The following COLEC11 variants were observed in gnomAD, a reference collection of about 807,000 sequenced individuals.
The protein encoded by COLEC11 is collectin-11.
COLEC11 carries 20 observed loss-of-function variants against 27.3 expected under a neutral mutation model. The observed-to-expected ratio is 0.73, with a 90% confidence interval of 0.51 to 1.06. The LOEUF (loss-of-function observed/expected upper bound fraction) is 1.06. Among genes scored for constraint, COLEC11 ranks in the 50% least tolerant of loss-of-function variants. COLEC11 has a pLI of 0.00. For synonymous variants in COLEC11, 163 were observed against 154.7 expected, an observed-to-expected ratio of 1.05 and a Z score of -0.40; for missense variants, 310 against 383.0, an observed-to-expected ratio of 0.81 and a Z score of 1.59.
At chr2:3,612,214 G>A (rs895330431) in intron 2 of COLEC11, among the ~76,000 whole-genome samples, 8 of 149,084 alleles carry the variant, frequency 5.4e-5, no homozygotes, top group East Asian at 2.0e-4. Context: ...ATGCACATGC[G>A]GACACACGCA....
intron 3 of COLEC11, among the ~76,000 whole-genome samples, chr2:3,616,117 C>G (rs113611227): frequency 0.69 from 101,020 of 145,974 alleles, 35,122 homozygotes; most frequent in South Asian, 0.83. Context: ...TCAGATACCA[C>G]ACGGGGTCGT....
At chr2:3,598,720 A>C (rs960186050) in intron 1 of COLEC11, among the ~76,000 whole-genome samples, 1 of 151,118 alleles carries the variant, frequency 6.6e-6, no homozygotes, top group Non-Finnish European at 1.5e-5. Flanking sequence ...ACCGTGGGTG[A>C]GGGGTGTGGA....
At chr2:3,604,858 C>T (rs999488174) in intron 2 of COLEC11, among the ~76,000 whole-genome samples, 1 of 151,880 alleles carries the variant, frequency 6.6e-6, no homozygotes, top group South Asian at 2.1e-4. Flanking sequence ...GTGTTAAGTT[C>T]CCAAAGTGTG....
intron 2 of COLEC11, among the ~76,000 whole-genome samples, chr2:3,607,076 C>G (rs1306799688): frequency 1.3e-5 from 2 of 152,160 alleles, no homozygotes; most frequent in Non-Finnish European, 2.9e-5. Flanking sequence ...GCGCCGCCCC[C>G]CCAACCCCCA....
At chr2:3,613,170 G>T in intron 2 of COLEC11, 141 bp from the exon 3 acceptor site, 1 of 851,952 alleles carries the variant, frequency 1.2e-6, no homozygotes. Flanking sequence ...GCTGCAGGCG[G>T]GGAGGGAGGT....
intron 2 of COLEC11, among the ~76,000 whole-genome samples, chr2:3,605,256 C>T (rs1662556639): frequency 6.6e-6 from 1 of 151,440 alleles, no homozygotes; most frequent in Non-Finnish European, 1.5e-5. Context: ...GCACCGGCCG[C>T]AGCAGAGTCC....
chr2:3,636,544 G>A (rs889598280), intron 3 of COLEC11, among the ~76,000 whole-genome samples: 10 of 152,358 alleles, frequency 6.6e-5, no homozygotes, highest in African/African-American at 2.4e-4. Flanking sequence ...TTCCTGCAAT[G>A]GTGGGTTATA....
intron 3 of COLEC11, 64 bp from the exon 4 acceptor site, chr2:3,637,469 G>A (rs1665510124): frequency 7.8e-6 from 10 of 1,283,024 alleles, no homozygotes; most frequent in Non-Finnish European, 1.1e-5. Flanking sequence ...GTGCACGTGT[G>A]TGATGGAGGA....
chr2:3,625,499 A>T lies in COLEC11; in HGVS notation c.203-12034A>T, dbSNP rs563160900. On this transcript the variant is annotated intron_variant, in intron 3 of 6. Coordinates refer to ENST00000349077, the MANE Select transcript of COLEC11 (RefSeq NM_024027.5). ...TGGAGACAGGGAGGGCTAGGAGTCC[A>T]TAAAGGGATGTGGCATTTGGCATCC... Among the ~76,000 whole-genome samples the T allele has an allele frequency of 1.2e-3, 184 of 152,234 alleles. 1 individual carries two copies. Among genetic ancestry groups the T allele is most frequent in the African/African-American group, 4.0e-3 (167 of 41,556 alleles).
chr2:3,611,604 C>CT (rs1355487497), intron 2 of COLEC11, among the ~76,000 whole-genome samples: 1 of 152,234 alleles, frequency 6.6e-6, no homozygotes, highest in African/African-American at 2.4e-5. Flanking sequence ...TTGAGAACTA[C>CT]TTGGAGCCTC....
In COLEC11 at chr2:3,643,926, GGA is replaced by G. The variant is rs752592763; in HGVS notation, c.627_628del (p.Lys210GlyfsTer8). ...GTGTCTTCATCGGCATCAACGACCT[GGA>G]GAAGGAGGGCGCCTTCGTGTACTCT... ...ARVFIGINDL[E>X]KEGAFVYSDH... is the part of the protein sequence containing the mutation. On this transcript the variant is annotated frameshift_variant, in exon 7 of 7. Coordinates refer to ENST00000349077, the MANE Select transcript of COLEC11 (RefSeq NM_024027.5). LOFTEE classifies it high-confidence loss of function. 1 of 1,614,144 alleles carries G rather than the reference GGA, an allele frequency of 6.2e-7. No individual in the cohort carries two copies. Among genetic ancestry groups the G allele is most frequent in the Non-Finnish European group, 8.5e-7 (1 of 1,180,048 alleles).
intron 4 of COLEC11, among the ~76,000 whole-genome samples, chr2:3,639,488 G>T (rs1404484318): frequency 6.6e-6 from 1 of 152,198 alleles, no homozygotes; most frequent in Non-Finnish European, 1.5e-5. Context: ...GGTGGGTGGA[G>T]ACTGCGAAAC....
intron 1 of COLEC11, among the ~76,000 whole-genome samples, chr2:3,600,499 G>A (rs1662139899): frequency 2.6e-5 from 4 of 152,196 alleles, no homozygotes; most frequent in Admixed American, 2.6e-4. Context: ...AGGCTGCAGT[G>A]AGCCAAGATG....
chr2:3,643,958 A>G lies in COLEC11; in HGVS notation c.656A>G (p.His219Arg), dbSNP rs7567833. The G allele has an allele frequency of 0.068, 110,485 of 1,613,746 alleles. 19,382 individuals carry two copies. Among genetic ancestry groups the G allele is most frequent in the African/African-American group, 0.68 (50,850 of 74,966 alleles). ...GAGGGCGCCTTCGTGTACTCTGACC[A>G]CTCCCCCATGCGGACCTTCAACAAG... ...EKEGAFVYSD[H>R]SPMRTFNKWR... The change falls in exon 7 of 7, where the codon CAC (histidine) becomes CGC (arginine). Residue 219 changes from histidine to arginine, a missense_variant. Transcript: ENST00000349077.
At chr2:3,642,853 T>C (rs1665973346) in intron 5 of COLEC11, among the ~76,000 whole-genome samples, 1 of 152,112 alleles carries the variant, frequency 6.6e-6, no homozygotes, top group Non-Finnish European at 1.5e-5. Context: ...TGCTCTGTCC[T>C]CCCTCCCTGA....
At chr2:3,642,145 G>T (rs1162990996) in intron 5 of COLEC11, among the ~76,000 whole-genome samples, 2 of 152,180 alleles carry the variant, frequency 1.3e-5, no homozygotes, top group Non-Finnish European at 2.9e-5. Context: ...TGCGTGTTCT[G>T]GACACCGTGC....
rs999816808 is a variant in COLEC11 at position 3,605,051 on chromosome 2, G to A, written c.130+581G>A. On this transcript the variant is annotated intron_variant, in intron 2 of 6. Transcript: ENST00000349077. ...GAGGCATGGGTGAGAAAGTCCCTGAGGCTGCGGTATCTGAAGCCTCCAGAG... is the reference window on the plus strand; with the variant it reads ...GAGGCATGGGTGAGAAAGTCCCTGAAGCTGCGGTATCTGAAGCCTCCAGAG... 4.9e-5 allele frequency: 23 copies of A among 470,886 alleles called. 1 individual carries two copies. The highest frequency in any genetic ancestry group is 2.8e-4 in the African/African-American group (14 of 50,008). 29.2% of individuals were successfully genotyped at this position (470,886 alleles called of 1,614,324 possible).
At chr2:3,603,641 T>A in intron 1 of COLEC11, 3 of 1,550,978 alleles carry the variant, frequency 1.9e-6, no homozygotes, top group Non-Finnish European at 2.6e-6. Context: ...GTAACGCCCT[T>A]CACGATGAAG....
intron 3 of COLEC11, chr2:3,617,872 G>T (rs1663892617): frequency 3.6e-6 from 2 of 561,124 alleles, no homozygotes; most frequent in Non-Finnish European, 6.4e-6. Flanking sequence ...TTGACTTTTT[G>T]ATACCAGCCA....
Sources: gnomAD v4.1 joint callset for allele counts (sites outside exome capture counted in the v4.1 genomes callset) on GRCh38, gnomAD v4.1.1 for gene constraint, MANE v1.5 for transcripts, NCBI Gene and HGNC (gene_info 2026-07-23, HGNC 2026-07-21) for gene names.